UGT1A8: variants seen among roughly 807,000 people sequenced by gnomAD.
The protein encoded by UGT1A8 is UDP-glucuronosyltransferase 1A8.
Under a neutral mutation model 45.3 loss-of-function variants are expected in UGT1A8, and 39 were observed. That is an observed-to-expected ratio of 0.86 (90% confidence interval 0.67 to 1.12). The LOEUF is 1.12. Ranked by LOEUF, UGT1A8 falls within the 50% of genes most tolerant of loss-of-function variation. The pLI, the probability that UGT1A8 is intolerant of heterozygous loss-of-function variation, is 0.00. For missense variants in UGT1A8, 719 were observed against 664.9 expected, an observed-to-expected ratio of 1.08 and a Z score of -0.90; for synonymous variants, 275 against 249.2, an observed-to-expected ratio of 1.10 and a Z score of -0.97.
intron 1 of UGT1A8, chr2:233,755,013 G>T: frequency 3.1e-6 from 4 of 1,294,530 alleles, no homozygotes; most frequent in Non-Finnish European, 4.2e-6. Flanking sequence ...CTACTCGAAG[G>T]GGTCCTTGAA....
At chr2:233,728,691 G>A (rs2077742456) in intron 1 of UGT1A8, among the ~76,000 whole-genome samples, 1 of 152,170 alleles carries the variant, frequency 6.6e-6, no homozygotes, top group South Asian at 2.1e-4. Flanking sequence ...AAGTTTCAAG[G>A]GTTAGCAAAT....
At chr2:233,645,104 C>G (rs1053962135) in intron 1 of UGT1A8, among the ~76,000 whole-genome samples, 6 of 152,280 alleles carry the variant, frequency 3.9e-5, no homozygotes, top group Middle Eastern at 6.8e-3. Context: ...AAAAAACAAT[C>G]CCTTACTGGC....
intron 1 of UGT1A8, chr2:233,754,871 T>A: frequency 1.5e-6 from 2 of 1,352,992 alleles, no homozygotes; most frequent in African/African-American, 1.5e-5. Context: ...ACCCTCTGCT[T>A]CTGCTTCCCA....
intron 4 of UGT1A8, 116 bp from the exon 5 acceptor site, chr2:233,772,146 G>A: frequency 6.4e-7 from 1 of 1,552,532 alleles, no homozygotes; most frequent in Non-Finnish European, 8.7e-7. Flanking sequence ...ATAGAAACAG[G>A]TTTCCTTTCC....
At chr2:233,743,214 G>A (rs1433363859) in intron 1 of UGT1A8, 1 of 406,842 alleles carries the variant, frequency 2.5e-6, no homozygotes, top group Non-Finnish European at 4.9e-6. Flanking sequence ...CGGAGTAACT[G>A]CTCTTTGCTA....
chr2:233,648,600 A>T (rs2073661987), intron 1 of UGT1A8, among the ~76,000 whole-genome samples: 1 of 149,408 alleles, frequency 6.7e-6, no homozygotes, highest in African/African-American at 2.5e-5. Context: ...AGCTGGGACT[A>T]CAGGTGCCTG....
At chr2:233,729,678 C>G (rs748966468) in intron 1 of UGT1A8, 1 of 1,613,812 alleles carries the variant, frequency 6.2e-7, no homozygotes, top group Non-Finnish European at 8.5e-7. Flanking sequence ...ACTTTAAGGG[C>G]ACACAGTGTC....
chr2:233,682,354 G>C lies in UGT1A8; in HGVS notation c.855+63792G>C, dbSNP rs114052958. ...GAAAATTAGTAGAATACTTAAAGGA[G>C]AGTTGTTTTGATGCAGTGTTTCTCG... On this transcript the variant is annotated intron_variant, in intron 1 of 4. Coordinates refer to ENST00000373450, the MANE Select transcript of UGT1A8 (RefSeq NM_019076.5). 2.0e-3 allele frequency: 3,285 copies of C among 1,614,052 alleles called. 33 individuals are homozygous for C. In the African/African-American group the frequency reaches 0.03, roughly 15 times the overall value.
At chr2:233,639,245 A>C (rs1009295222) in intron 1 of UGT1A8, among the ~76,000 whole-genome samples, 1 of 152,240 alleles carries the variant, frequency 6.6e-6, no homozygotes, top group Non-Finnish European at 1.5e-5. Flanking sequence ...TCTATTAAAG[A>C]ATATACACAT....
At position 233,696,719 on chromosome 2, in the gene UGT1A8, G is replaced by A. The variant is rs112627579; in HGVS notation, c.856-70315G>A. ...TCTTATTCCAGATTTTAGAGGAACA[G>A]TTTTCAGTTTTACCCTTTTCAGTAT... is the stretch of plus-strand genomic sequence containing the variant. On this transcript the variant is annotated intron_variant, in intron 1 of 4. Transcript: ENST00000373450. Among the ~76,000 whole-genome samples, 287 of 152,106 alleles carry A rather than the reference G, an allele frequency of 1.9e-3. 1 individual carries two copies. The highest frequency in any genetic ancestry group is 6.8e-3 in the African/African-American group (283 of 41,504).
chr2:233,721,794 C>T, intron 1 of UGT1A8: 1 of 512,964 alleles, frequency 1.9e-6, no homozygotes, highest in Non-Finnish European at 3.9e-6. Flanking sequence ...CATTTTAAAG[C>T]ACATGCAGCA....
At chr2:233,677,804 C>T (rs1269296117) in intron 1 of UGT1A8, among the ~76,000 whole-genome samples, 9 of 151,934 alleles carry the variant, frequency 5.9e-5, no homozygotes, top group East Asian at 5.8e-4. Context: ...AACTGTCATT[C>T]GACCCAGCAA....
At chr2:233,676,801 T>G (rs2074372040) in intron 1 of UGT1A8, among the ~76,000 whole-genome samples, 1 of 152,192 alleles carries the variant, frequency 6.6e-6, no homozygotes, top group Non-Finnish European at 1.5e-5. Flanking sequence ...CTTGTTTTCT[T>G]GCGTGTGAAT....
At position 233,618,160 on chromosome 2, in the gene UGT1A8, T is replaced by G; in HGVS notation, c.453T>G (p.Asp151Glu). Reference sequence around the variant, plus strand: ...ATGCGGTGTTTCTTGATCCTTTTGATGCCTGTGGCTTAATTGTTGCCAAAT... The same window carrying G: ...ATGCGGTGTTTCTTGATCCTTTTGAGGCCTGTGGCTTAATTGTTGCCAAAT... ...SFDAVFLDPF[D>E]ACGLIVAKYF... The change falls in exon 1 of 5, where the codon GAT becomes GAG. Residue 151 changes from aspartate (D) to glutamate (E), a missense_variant. Coordinates refer to ENST00000373450, the MANE Select transcript of UGT1A8 (RefSeq NM_019076.5). 1 of 1,614,178 alleles carries G rather than the reference T, an allele frequency of 6.2e-7. No homozygotes were observed. The highest frequency in any genetic ancestry group is 8.5e-7 in the Non-Finnish European group (1 of 1,180,046).
intron 1 of UGT1A8, among the ~76,000 whole-genome samples, chr2:233,717,169 G>A (rs976898395): frequency 6.6e-6 from 1 of 152,210 alleles, no homozygotes; most frequent in African/African-American, 2.4e-5. Flanking sequence ...CCCCTTGAAT[G>A]TGGCAAGAGC....
chr2:233,700,965 C>T (rs573985854), intron 1 of UGT1A8, among the ~76,000 whole-genome samples: 8 of 151,868 alleles, frequency 5.3e-5, no homozygotes, highest in East Asian at 3.9e-4. Context: ...TGAGAACATG[C>T]GGTGTTTGAT....
chr2:233,724,981 G>A lies in UGT1A8; in HGVS notation c.856-42053G>A, dbSNP rs528946654. Among the ~76,000 whole-genome samples, 6 of 134,964 alleles carry A rather than the reference G, an allele frequency of 4.4e-5. 1 individual carries two copies. Among genetic ancestry groups the A allele is most frequent in the South Asian group, 2.4e-4 (1 of 4,092 alleles). The allele number at this position is 134,964 out of a possible 152,430, so 88.5% of individuals were successfully genotyped here. On this transcript the variant is annotated intron_variant, in intron 1 of 4. Transcript: ENST00000373450. ...GGAGGCCGAGGTTGGCGGATCACTC[G>A]CGGTTAGGGGCTGGAGACCGGCCCG...
intron 1 of UGT1A8, among the ~76,000 whole-genome samples, chr2:233,625,517 A>C (rs2073072870): frequency 6.6e-6 from 1 of 152,132 alleles, no homozygotes; most frequent in Admixed American, 6.6e-5. Flanking sequence ...CTCTATTCAG[A>C]ATAGAAAAGG....
chr2:233,623,013 T>G (rs958111875), intron 1 of UGT1A8, among the ~76,000 whole-genome samples: 1 of 152,192 alleles, frequency 6.6e-6, no homozygotes, highest in Admixed American at 6.5e-5. Context: ...TTTTGTCAGG[T>G]TTGTCAAAGA....
Sources: allele counts gnomAD v4.1 joint callset (sites outside exome capture counted in the v4.1 genomes callset), GRCh38; gene constraint gnomAD v4.1.1; transcripts MANE v1.5; gene names NCBI Gene and HGNC (gene_info 2026-07-23, HGNC 2026-07-21).